Variants in RORA observed in about 807,000 individuals in gnomAD.
The protein encoded by RORA is nuclear receptor ROR-alpha.
In RORA, 7 loss-of-function variants were observed where a neutral mutation model predicts 69.5. That is an observed-to-expected ratio of 0.10 (90% CI 0.06 to 0.19). The LOEUF (loss-of-function observed/expected upper bound fraction) is 0.19. RORA is among the 10% of genes least tolerant of loss of function. The pLI is 1.00. For synonymous variants in RORA, 261 were observed against 240.8 expected (o/e 1.08, Z -0.78); for missense variants, 457 against 663.0 (o/e 0.69, Z 3.41).
chr15:60,808,202 C>T (rs1266517784), intron 1 of RORA, among the ~76,000 whole-genome samples: 1 of 152,042 alleles, frequency 6.6e-6, no homozygotes. Context: ...TATCCAGAAT[C>T]TCAAACAAAT....
chr15:60,834,006 A>G (rs925261051), intron 1 of RORA, among the ~76,000 whole-genome samples: 9 of 152,252 alleles, frequency 5.9e-5, no homozygotes, highest in African/African-American at 1.4e-4. Context: ...TTCAGAAGCT[A>G]TCCTTTCTCT....
chr15:60,675,970 T>A (rs1165450851), intron 2 of RORA, among the ~76,000 whole-genome samples: 2 of 152,198 alleles, frequency 1.3e-5, no homozygotes, highest in African/African-American at 2.4e-5. Flanking sequence ...TGTAGTCAAG[T>A]CTTGACTAAG....
At chr15:60,635,443 A>T (rs912422503) in intron 2 of RORA, among the ~76,000 whole-genome samples, 4 of 152,198 alleles carry the variant, frequency 2.6e-5, no homozygotes, top group South Asian at 2.1e-4. Flanking sequence ...CTAGATATTT[A>T]AAAAATAGCC....
At chr15:60,655,641 A>G (rs1032175538) in intron 2 of RORA, among the ~76,000 whole-genome samples, 5 of 152,194 alleles carry the variant, frequency 3.3e-5, no homozygotes, top group African/African-American at 1.2e-4. Flanking sequence ...AGCTTCCTAC[A>G]GTAGAAGTCA....
rs935618889 is a variant in RORA at position 61,147,499 on chromosome 15, C to G, written c.166+81554G>C. On this transcript the variant is annotated intron_variant, in intron 1 of 10. Transcript: ENST00000335670. The surrounding 1 kb of genome is among the most constrained non-coding windows in gnomAD (Gnocchi z 4.1). The stretch of plus-strand genomic sequence containing the variant: ...AGCCCTTGCTAGAAGCTAGCTGATT[C>G]TGGCTGGGGAAGTCCTGGTTCCAAA... 6.6e-6 allele frequency among the ~76,000 whole-genome samples: 1 copy of G among 152,152 alleles called. No homozygotes were observed. The highest frequency in any genetic ancestry group is 1.5e-5 in the Non-Finnish European group (1 of 68,020).
chr15:61,006,213 C>A (rs1379486193), intron 1 of RORA, among the ~76,000 whole-genome samples: 1 of 151,938 alleles, frequency 6.6e-6, no homozygotes, highest in African/African-American at 2.4e-5. Flanking sequence ...GTGATCTGCC[C>A]ACCTCAGCCT....
intron 1 of RORA, among the ~76,000 whole-genome samples, chr15:60,723,485 CA>C (rs2071319096): frequency 6.6e-6 from 1 of 151,082 alleles, no homozygotes; most frequent in South Asian, 2.1e-4. Context: ...AGGGAAAAAG[CA>C]AAGGAGAAAC....
intron 2 of RORA, among the ~76,000 whole-genome samples, chr15:60,628,579 C>G (rs1484971728): frequency 6.6e-6 from 1 of 152,166 alleles, no homozygotes; most frequent in African/African-American, 2.4e-5. Flanking sequence ...TCTTGCCAGG[C>G]TTGGTTATTT....
intron 1 of RORA, among the ~76,000 whole-genome samples, chr15:61,202,306 G>A (rs546867272): frequency 5.3e-5 from 8 of 152,112 alleles, no homozygotes; most frequent in East Asian, 3.9e-4. Flanking sequence ...CACTGCTCCC[G>A]GCCCAACCCT....
intron 1 of RORA, among the ~76,000 whole-genome samples, chr15:61,125,578 T>G (rs1393095616): frequency 6.6e-6 from 1 of 152,238 alleles, no homozygotes; most frequent in Non-Finnish European, 1.5e-5. Flanking sequence ...CAAATATTCC[T>G]TTTTGCAAAA....
At chr15:60,927,533 G>A (rs1892252754) in intron 1 of RORA, among the ~76,000 whole-genome samples, 1 of 152,218 alleles carries the variant, frequency 6.6e-6, no homozygotes, top group South Asian at 2.1e-4. Flanking sequence ...AGCACTTTGG[G>A]AGGTAGAGGT....
intron 1 of RORA, among the ~76,000 whole-genome samples, chr15:61,108,193 C>G (rs1275801738): frequency 6.6e-6 from 1 of 152,148 alleles, no homozygotes; most frequent in East Asian, 1.9e-4. Context: ...ATCCCTAGTA[C>G]CGATCCTGAT....
intron 1 of RORA, among the ~76,000 whole-genome samples, chr15:60,862,965 C>A (rs569009117): frequency 6.6e-6 from 1 of 152,202 alleles, no homozygotes; most frequent in South Asian, 2.1e-4. Flanking sequence ...CTCTGCTGTC[C>A]AACTGTGTGG....
At chr15:60,633,195 G>A (rs1001834125) in intron 2 of RORA, among the ~76,000 whole-genome samples, 6 of 152,228 alleles carry the variant, frequency 3.9e-5, no homozygotes, top group African/African-American at 1.4e-4. Context: ...AGTGACAGCA[G>A]CAATGCTGCA....
At chr15:61,146,857 G>A (rs971096798) in intron 1 of RORA, among the ~76,000 whole-genome samples, 4 of 152,278 alleles carry the variant, frequency 2.6e-5, no homozygotes, top group Admixed American at 2.0e-4. Flanking sequence ...ACACCCAAGC[G>A]GGCAGACACA....
intron 5 of RORA, chr15:60,510,330 T>C (rs1375095377): frequency 6.6e-6 from 1 of 152,232 alleles, no homozygotes; most frequent in Non-Finnish European, 1.5e-5. Flanking sequence ...TAAAAATCGA[T>C]TAAATATAGC....
rs1893448703 is a variant in RORA at position 60,962,680 on chromosome 15, C to G, written c.166+266373G>C. On this transcript the variant is annotated intron_variant, in intron 1 of 10. Transcript: ENST00000335670. ...CACTTGGCAGCCTGAACACGTCCAC[C>G]TGCCCAAACATGAATGTTGCTCTTC... Among the ~76,000 whole-genome samples, 3 of 152,206 alleles carry G rather than the reference C, an allele frequency of 2.0e-5. No individual in the cohort carries two copies. The South Asian group carries it at 6.2e-4, about 31-fold the overall frequency.
intron 1 of RORA, among the ~76,000 whole-genome samples, chr15:60,812,379 G>A (rs1050540776): frequency 2.6e-5 from 4 of 152,076 alleles, no homozygotes; most frequent in African/African-American, 4.8e-5. Flanking sequence ...GCACAGTGGC[G>A]TGTATCTGTA....
At chr15:61,187,102 C>T (rs2079751142) in intron 1 of RORA, among the ~76,000 whole-genome samples, 1 of 152,242 alleles carries the variant, frequency 6.6e-6, no homozygotes, top group South Asian at 2.1e-4. Context: ...TGAAGTGCTT[C>T]TTTCAAAAGC....
Sources: gnomAD v4.1 joint callset for allele counts (sites outside exome capture counted in the v4.1 genomes callset) on GRCh38, gnomAD v4.1.1 for gene constraint, Gnocchi (gnomAD v3.1) non-coding constraint, MANE v1.5 for transcripts, NCBI Gene and HGNC (gene_info 2026-07-23, HGNC 2026-07-21) for gene names.